Variants in EFNA5 observed in about 807,000 individuals in gnomAD.
EFNA5 encodes ephrin A5, also known as ephrin-A5.
In EFNA5, 5 loss-of-function variants were observed where a neutral mutation model predicts 22.9. That is an observed-to-expected ratio of 0.22 (90% CI 0.11 to 0.46). The LOEUF is 0.46. Among genes scored for constraint, EFNA5 ranks in the 20% least tolerant of loss-of-function variants. The pLI, the probability that EFNA5 is intolerant of heterozygous loss-of-function variation, is 0.99. For synonymous variants in EFNA5, 113 were observed against 112.2 expected, an observed-to-expected ratio of 1.01 and a Z score of -0.04; for missense variants, 237 against 293.3, an observed-to-expected ratio of 0.81 and a Z score of 1.40.
At chr5:107,490,012 T>C (rs569117458) in intron 1 of EFNA5, among the ~76,000 whole-genome samples, 57 of 152,212 alleles carry the variant, frequency 3.7e-4, no homozygotes, top group African/African-American at 1.3e-3. Context: ...ATCTCCAGGG[T>C]CCCTCAGCTG....
chr5:107,444,095 AT>A (rs139093031), intron 1 of EFNA5, among the ~76,000 whole-genome samples: 4,991 of 152,236 alleles, frequency 0.033, 114 homozygotes, highest in Middle Eastern at 0.1. Context: ...TACATACTAT[AT>A]TTGATGCACT....
intron 1 of EFNA5, among the ~76,000 whole-genome samples, chr5:107,530,373 A>T (rs181305855): frequency 4.4e-4 from 67 of 152,322 alleles, no homozygotes; most frequent in African/African-American, 1.5e-3. Flanking sequence ...AGCTAATCAC[A>T]TAGCCACGCC....
intron 1 of EFNA5, among the ~76,000 whole-genome samples, chr5:107,659,746 C>A (rs1249539908): frequency 1.3e-5 from 2 of 151,818 alleles, no homozygotes; most frequent in Admixed American, 6.6e-5. Context: ...GTATTGATAA[C>A]AAGACCATGC....
chr5:107,536,396 T>C (rs575987179), intron 1 of EFNA5, among the ~76,000 whole-genome samples: 1 of 152,332 alleles, frequency 6.6e-6, no homozygotes, highest in East Asian at 1.9e-4. Context: ...GGCAGAAAAT[T>C]ACTGACATAA....
intron 1 of EFNA5, among the ~76,000 whole-genome samples, chr5:107,582,221 A>G (rs1437761771): frequency 6.6e-6 from 1 of 152,250 alleles, no homozygotes; most frequent in African/African-American, 2.4e-5. Context: ...TGTTTTTGAT[A>G]TGCTAAAGCA....
chr5:107,429,796 T>C (rs1429600047), intron 1 of EFNA5, among the ~76,000 whole-genome samples: 3 of 152,158 alleles, frequency 2.0e-5, no homozygotes, highest in African/African-American at 7.2e-5. Flanking sequence ...TTAAAATAAG[T>C]AAATAAAATA....
At position 107,379,964 on chromosome 5, in the gene EFNA5, A is replaced by G. The variant is rs1056506546; in HGVS notation, c.*1291T>C. ...TCCATCTTGTTTATCTCCCACAGAT[A>G]AACACATGTTCCCCCTACGCTTTAG... On this transcript the variant is annotated 3_prime_UTR_variant, in exon 5 of 5. Transcript: ENST00000333274. 2 of 152,202 alleles carry G rather than the reference A, an allele frequency of 1.3e-5. No individual in the cohort carries two copies. The highest frequency in any genetic ancestry group is 2.4e-5 in the African/African-American group (1 of 41,452). The allele number at this position is 152,202 out of a possible 1,614,324, so 9.4% of individuals were successfully genotyped here. A position where few individuals can be genotyped will look rare whatever the true frequency, so the allele number is the denominator to read the frequency against.
intron 1 of EFNA5, among the ~76,000 whole-genome samples, chr5:107,475,814 A>G (rs1409250124): frequency 6.6e-6 from 1 of 151,640 alleles, no homozygotes; most frequent in Non-Finnish European, 1.5e-5. Flanking sequence ...AGATGACATG[A>G]CTTCAGCCTC....
chr5:107,576,762 G>A (rs1419211632), intron 1 of EFNA5, among the ~76,000 whole-genome samples: 1 of 152,146 alleles, frequency 6.6e-6, no homozygotes, highest in African/African-American at 2.4e-5. Flanking sequence ...CATCAGAGAA[G>A]CTTGCCATAC....
chr5:107,638,978 AT>A (rs1750444476), intron 1 of EFNA5, among the ~76,000 whole-genome samples: 1 of 152,242 alleles, frequency 6.6e-6, no homozygotes, highest in South Asian at 2.1e-4. Flanking sequence ...AAATAAATGG[AT>A]TTAATAAAAT....
At chr5:107,415,730 T>C (rs1748488398) in intron 2 of EFNA5, among the ~76,000 whole-genome samples, 1 of 152,262 alleles carries the variant, frequency 6.6e-6, no homozygotes, top group Non-Finnish European at 1.5e-5. Flanking sequence ...CCTACTCATC[T>C]TTCTTGTGCA....
chr5:107,603,228 G>A (rs1261224786), intron 1 of EFNA5, among the ~76,000 whole-genome samples: 1 of 152,198 alleles, frequency 6.6e-6, no homozygotes, highest in Non-Finnish European at 1.5e-5. Context: ...AAGGAAGGTT[G>A]TAGTTCAAGG....
intron 1 of EFNA5, among the ~76,000 whole-genome samples, chr5:107,522,470 C>G (rs1427044867): frequency 6.6e-6 from 1 of 152,124 alleles, no homozygotes; most frequent in Non-Finnish European, 1.5e-5. Context: ...GTAATTATAG[C>G]TCACTGCAGG....
intron 2 of EFNA5, among the ~76,000 whole-genome samples, chr5:107,399,264 C>A (rs529528608): frequency 6.7e-6 from 1 of 149,950 alleles, no homozygotes; most frequent in East Asian, 2.0e-4. Context: ...ACCAGCCTGG[C>A]CAACATGGCA....
Position 107,488,561 on chromosome 5 carries a change from T to G in EFNA5, c.126-61052A>C, listed in dbSNP as rs887783038. ...GGAATCCTACAAGCATCAAATTATT[T>G]TACAAATCCCAAGTTTAAAAGAGCA... On this transcript the variant is annotated intron_variant, in intron 1 of 4. Transcript: ENST00000333274. Among the ~76,000 whole-genome samples the G allele has an allele frequency of 3.3e-5, 5 of 152,162 alleles. No homozygotes were observed. The East Asian group carries it at 7.7e-4, about 23-fold the overall frequency.
chr5:107,652,739 A>G (rs1485435370), intron 1 of EFNA5, among the ~76,000 whole-genome samples: 5 of 152,166 alleles, frequency 3.3e-5, no homozygotes, highest in African/African-American at 1.2e-4. Flanking sequence ...CTAGTTAGTA[A>G]ATGTACGGGA....
chr5:107,380,656 A>G lies in EFNA5; in HGVS notation c.*599T>C. On this transcript the variant is annotated 3_prime_UTR_variant, in exon 5 of 5. Coordinates refer to ENST00000333274, the MANE Select transcript of EFNA5 (RefSeq NM_001962.3). The stretch of plus-strand genomic sequence containing the variant: ...GCTTTAAGACAGTCATATTAAAAAA[A>G]AAAACCAGTGTCTCAACCTTTTAGA... The G allele has an allele frequency of 5.0e-6, 2 of 397,118 alleles. No individual in the cohort carries two copies. The highest frequency in any genetic ancestry group is 7.1e-5 in the East Asian group (2 of 27,992). The allele number at this position is 397,118 out of a possible 1,614,324, so 24.6% of individuals were successfully genotyped here.
intron 1 of EFNA5, among the ~76,000 whole-genome samples, chr5:107,539,229 A>G (rs2112458710): frequency 6.6e-6 from 1 of 152,332 alleles, no homozygotes; most frequent in Middle Eastern, 3.4e-3. Flanking sequence ...TTACGATGCT[A>G]AAAAGAGCTG....
chr5:107,462,114 G>A (rs563725151), intron 1 of EFNA5, among the ~76,000 whole-genome samples: 49 of 152,076 alleles, frequency 3.2e-4, no homozygotes, highest in African/African-American at 1.1e-3. Flanking sequence ...GGATGCAGAC[G>A]GACAGACACA....
Sources: gnomAD v4.1 joint callset for allele counts (sites outside exome capture counted in the v4.1 genomes callset) on GRCh38, gnomAD v4.1.1 for gene constraint, MANE v1.5 for transcripts, NCBI Gene and HGNC (gene_info 2026-07-23, HGNC 2026-07-21) for gene names.